The following ERI3 variants were observed in gnomAD, a reference collection of about 807,000 sequenced individuals.
The protein encoded by ERI3 is ERI1 exoribonuclease family member 3, also known as ERI1 exoribonuclease 3.
Under a neutral mutation model 44.4 loss-of-function variants are expected in ERI3, and 18 were observed. That is an observed-to-expected ratio of 0.41 (90% CI 0.28 to 0.60). The LOEUF (loss-of-function observed/expected upper bound fraction) is 0.60. Among genes scored for constraint, ERI3 ranks in the 20% least tolerant of loss-of-function variants. ERI3 has a pLI of 0.36. For synonymous variants in ERI3, 183 were observed against 164.8 expected, an observed-to-expected ratio of 1.11 and a Z score of -0.84; for missense variants, 294 against 435.5, an observed-to-expected ratio of 0.68 and a Z score of 2.89.
At chr1:44,285,790 G>A (rs1572188954) in intron 6 of ERI3, among the ~76,000 whole-genome samples, 1 of 152,132 alleles carries the variant, frequency 6.6e-6, no homozygotes, top group East Asian at 1.9e-4. Context: ...TGGAGTATGG[G>A]GGCATATGCA....
At chr1:44,314,709 T>C (rs751612811) in intron 4 of ERI3, among the ~76,000 whole-genome samples, 1 of 152,212 alleles carries the variant, frequency 6.6e-6, no homozygotes, top group Non-Finnish European at 1.5e-5. Context: ...TTCAATAATC[T>C]TGGAGTACAA....
At position 44,355,207 on chromosome 1, in the gene ERI3, GGCC is replaced by G. The variant is rs1646977429; in HGVS notation, c.-184_-182del. ...CGCCCGCTCCCCACCGCCCGTTCCCGGCCGCCTGAACAGCGGCAGCCAGCACCA... is the reference window on the plus strand; with the variant it reads ...CGCCCGCTCCCCACCGCCCGTTCCCGGCCTGAACAGCGGCAGCCAGCACCA... On this transcript the variant is annotated 5_prime_UTR_variant, in exon 1 of 9. Transcript: ENST00000372257. 8.4e-7 allele frequency: 1 copy of G among 1,193,580 alleles called. No homozygotes were observed. Among genetic ancestry groups the G allele is most frequent in the Non-Finnish European group, 1.0e-6 (1 of 963,604 alleles). The allele number at this position is 1,193,580 out of a possible 1,614,324, so 73.9% of individuals were successfully genotyped here.
At chr1:44,320,718 A>C (rs930750181) in intron 3 of ERI3, among the ~76,000 whole-genome samples, 6 of 152,224 alleles carry the variant, frequency 3.9e-5, no homozygotes, top group Non-Finnish European at 5.9e-5. Flanking sequence ...TGACATTTTT[A>C]TTAGCGCTTT....
intron 8 of ERI3, among the ~76,000 whole-genome samples, chr1:44,246,683 A>C (rs1405059826): frequency 6.6e-6 from 1 of 152,238 alleles, no homozygotes; most frequent in African/African-American, 2.4e-5. Context: ...GGGGCAACCC[A>C]GGTGTTTTCT....
chr1:44,346,716 G>A (rs1167704960), intron 2 of ERI3, among the ~76,000 whole-genome samples: 3 of 152,138 alleles, frequency 2.0e-5, no homozygotes, highest in Non-Finnish European at 2.9e-5. Flanking sequence ...GTAAAAGCAA[G>A]GAGTTATATA....
chr1:44,342,900 A>C (rs1368598161), intron 2 of ERI3, among the ~76,000 whole-genome samples: 1 of 100,454 alleles, frequency 1.0e-5, no homozygotes, highest in African/African-American at 3.9e-5. Flanking sequence ...TAGAGATAAG[A>C]GTCTCACTAC....
chr1:44,281,876 ATATG>A (rs1481534646), intron 7 of ERI3, among the ~76,000 whole-genome samples: 80 of 96,862 alleles, frequency 8.3e-4, no homozygotes, highest in East Asian at 2.4e-3. Flanking sequence ...ATACATGTGC[ATATG>A]TGTGTGTGTG....
chr1:44,354,217 A>T (rs1340971866), intron 1 of ERI3: 1 of 985,258 alleles, frequency 1.0e-6, no homozygotes, highest in Admixed American at 6.2e-5. Context: ...TTCCGCTGGG[A>T]GACTGATTAA....
In ERI3 at chr1:44,303,624, G is replaced by A. The variant is rs572754438; in HGVS notation, c.758+4686C>T. Among the ~76,000 whole-genome samples the A allele has an allele frequency of 6.6e-5, 10 of 152,290 alleles. No individual in the cohort carries two copies. In the East Asian group the frequency reaches 1.9e-3, roughly 29 times the overall value. On this transcript the variant is annotated intron_variant, in intron 6 of 8. Coordinates refer to ENST00000372257, the MANE Select transcript of ERI3 (RefSeq NM_024066.3). ...AAGGAAGGCACCTAGAGAAAGAAGA[G>A]GGATCACTAGGAACTGGCCAGCTCA...
chr1:44,222,366 C>G (rs553275663), intron 8 of ERI3, among the ~76,000 whole-genome samples: 38 of 152,360 alleles, frequency 2.5e-4, no homozygotes, highest in African/African-American at 9.1e-4. Context: ...TATACATCGG[C>G]GGAAGCCCTG....
chr1:44,338,586 G>A (rs189122835), intron 3 of ERI3, among the ~76,000 whole-genome samples: 206 of 152,268 alleles, frequency 1.4e-3, no homozygotes, highest in African/African-American at 4.6e-3. Context: ...CTCAGAAGTC[G>A]TACATTATCT....
intron 7 of ERI3, among the ~76,000 whole-genome samples, chr1:44,281,949 G>A (rs1474735552): frequency 6.7e-6 from 1 of 148,816 alleles, no homozygotes; most frequent in Non-Finnish European, 1.5e-5. Context: ...AGGCCCCTCA[G>A]TGACAGCTCT....
chr1:44,301,834 C>T (rs1645733066), intron 6 of ERI3, among the ~76,000 whole-genome samples: 2 of 152,214 alleles, frequency 1.3e-5, no homozygotes, highest in South Asian at 4.1e-4. Context: ...GAAAGGTCAC[C>T]CTGCACTCTG....
chr1:44,258,159 G>A (rs752489594), intron 7 of ERI3, among the ~76,000 whole-genome samples: 2 of 152,192 alleles, frequency 1.3e-5, no homozygotes, highest in Non-Finnish European at 2.9e-5. Context: ...GTAAGGGGCA[G>A]GCATTTTGCT....
At chr1:44,259,875 CTAGA>C (rs71036672) in intron 7 of ERI3, among the ~76,000 whole-genome samples, 3,170 of 135,866 alleles carry the variant, frequency 0.023, 56 homozygotes, top group Middle Eastern at 0.061. Context: ...GGAAAACCCT[CTAGA>C]TAGATAGATA....
At chr1:44,301,328 C>G (rs961546065) in intron 6 of ERI3, among the ~76,000 whole-genome samples, 3 of 152,170 alleles carry the variant, frequency 2.0e-5, no homozygotes, top group African/African-American at 7.2e-5. Flanking sequence ...GGAGCCTGGG[C>G]TGATTCTGAG....
chr1:44,272,109 G>A (rs576517631), intron 7 of ERI3, among the ~76,000 whole-genome samples: 2 of 152,274 alleles, frequency 1.3e-5, no homozygotes, highest in South Asian at 2.1e-4. Flanking sequence ...CAGGGGCATA[G>A]TGCTACCATT....
At chr1:44,308,620 A>G (rs1480930436) in intron 5 of ERI3, among the ~76,000 whole-genome samples, 2 of 152,122 alleles carry the variant, frequency 1.3e-5, no homozygotes, top group Admixed American at 6.6e-5. Flanking sequence ...CCGAATGTGT[A>G]GCCGGAGGGA....
chr1:44,352,655 C>CT (rs533239405), intron 2 of ERI3, among the ~76,000 whole-genome samples, 195 bp downstream of exon 2: 28 of 152,118 alleles, frequency 1.8e-4, no homozygotes, highest in Non-Finnish European at 3.7e-4. Context: ...ACTTTAGAAA[C>CT]TTTAAGTAAG....
Sources: allele counts gnomAD v4.1 joint callset (sites outside exome capture counted in the v4.1 genomes callset), GRCh38; gene constraint gnomAD v4.1.1; transcripts MANE v1.5; gene names NCBI Gene and HGNC (gene_info 2026-07-23, HGNC 2026-07-21).